RASD1: variants seen among roughly 807,000 people sequenced by gnomAD.
The protein encoded by RASD1 is ras related dexamethasone induced 1.
A neutral mutation model predicts 16.7 loss-of-function variants in RASD1; 13 were observed. That is an observed-to-expected ratio of 0.78 (90% CI 0.51 to 1.24). The LOEUF is 1.24. RASD1 is among the 50% of genes most tolerant of loss of function. The pLI is 0.00. For synonymous variants in RASD1, 170 were observed against 172.6 expected (o/e 0.98, Z 0.12); for missense variants, 397 against 407.5 (o/e 0.97, Z 0.22).
rs747160162 is a variant in RASD1 at position 17,495,129 on chromosome 17, C to T, written c.842G>A (p.Ser281Asn). 6.2e-7 allele frequency: 1 copy of T among 1,610,940 alleles called. No individual in the cohort carries two copies. Among genetic ancestry groups the T allele is most frequent in the South Asian group, 1.1e-5 (1 of 90,992 alleles). The stretch of plus-strand genomic sequence containing the variant: ...GTCGCCAGCGCGGCGGGGCTCCTAG[C>T]TGATGACGCAGCGCTCCTTGTCCTT... ...QAKDKERCVI[S>N] The change falls in exon 2 of 2, where the codon AGC becomes AAC. Residue 281 changes from serine (S) to asparagine (N), a missense_variant. Physicochemically the swap from Ser to Asn is conservative, Grantham distance 46. Transcript: ENST00000225688.
Position 17,494,834 on chromosome 17 carries a change from A to G in RASD1, c.*291T>C. 1 of 521,138 alleles carries G rather than the reference A, an allele frequency of 1.9e-6. No homozygotes were observed. Among genetic ancestry groups the G allele is most frequent in the Non-Finnish European group, 3.4e-6 (1 of 296,126 alleles). 32.3% of individuals were successfully genotyped at this position (521,138 alleles called of 1,614,324 possible). A position where few individuals can be genotyped will look rare whatever the true frequency, so the allele number is the denominator to read the frequency against. The stretch of plus-strand genomic sequence containing the variant: ...CCCCGCGCTCACTCTTAGGTCTTTG[A>G]GAAGATAAATCCACCCTCGGCTGGG... On this transcript the variant is annotated 3_prime_UTR_variant, in exon 2 of 2. Coordinates refer to ENST00000225688, the MANE Select transcript of RASD1 (RefSeq NM_016084.5).
chr17:17,496,044 G>A lies in RASD1; in HGVS notation c.138C>T (p.Thr46=), dbSNP rs769297894. Residue 46 remains threonine (T), a synonymous_variant, in exon 1 of 2, where the codon ACC becomes ACT. Coordinates refer to ENST00000225688, the MANE Select transcript of RASD1 (RefSeq NM_016084.5). ...GCGTGTAGGCGTCCTCGAAGCGGCC[G>A]GTGAGGAAGCGCGACACGATGGCCG... ...GKTAIVSRFL[T]GRFEDAYTPT... 1 of 1,614,096 alleles carries A rather than the reference G, an allele frequency of 6.2e-7. No individual in the cohort carries two copies. The highest frequency in any genetic ancestry group is 1.1e-5 in the South Asian group (1 of 91,090).
chr17:17,495,211 T>TG lies in RASD1; in HGVS notation c.759dup (p.Ser254GlnfsTer130), dbSNP rs769667017. ...ATGTACATGAGGTCGCTGTGTACGC[T>TG]GGGCCGGCGCGCGAAGGGTGCCACG... is the stretch of plus-strand genomic sequence containing the variant. On this transcript the variant is annotated frameshift_variant, in exon 2 of 2. Transcript: ENST00000225688. LOFTEE classifies it high-confidence loss of function. The TG allele has an allele frequency of 6.2e-7, 1 of 1,610,984 alleles. No homozygotes were observed. Among genetic ancestry groups the TG allele is most frequent in the Non-Finnish European group, 8.5e-7 (1 of 1,179,456 alleles).
At position 17,496,150 on chromosome 17, in the gene RASD1, C is replaced by T. The variant is rs749954064; in HGVS notation, c.32G>A (p.Cys11Tyr). Residue 11 changes from cysteine to tyrosine, a missense_variant, in exon 1 of 2, where the codon TGC becomes TAC. Transcript: ENST00000225688. MKLAAMIKKMCPSDSELSIPA... is the reference protein window; with the variant it reads MKLAAMIKKMYPSDSELSIPA... ...GATACTCAGCTCCGAGTCGCTCGGGCACATCTTCTTGATCATCGCGGCCAG... is the reference window on the plus strand; with the variant it reads ...GATACTCAGCTCCGAGTCGCTCGGGTACATCTTCTTGATCATCGCGGCCAG... 19 of 1,610,236 alleles carry T rather than the reference C, an allele frequency of 1.2e-5. No individual in the cohort carries two copies. The highest frequency in any genetic ancestry group is 1.5e-5 in the Non-Finnish European group (18 of 1,177,266).
Position 17,495,185 on chromosome 17 carries a change from G to C in RASD1, c.786C>G (p.Ile262Met). The C allele has an allele frequency of 1.2e-6, 2 of 1,611,814 alleles. No homozygotes were observed. Among genetic ancestry groups the C allele is most frequent in the Non-Finnish European group, 1.7e-6 (2 of 1,179,710 alleles). ...RPSVHSDLMY[I>M]REKASAGSQA... is the part of the protein sequence containing the mutation. ...GGCTGCCGGCGCTGGCCTTCTCGCG[G>C]ATGTACATGAGGTCGCTGTGTACGC... The change falls in exon 2 of 2, where the codon ATC becomes ATG. Residue 262 changes from isoleucine (I) to methionine (M), a missense_variant. Transcript: ENST00000225688.
In RASD1 at chr17:17,496,379, C is replaced by G. The variant is rs984503559; in HGVS notation, c.-198G>C. ...GGCTGGGGTTCTCCCAGGATCTGGG[C>G]ACAGGCCGCTTGCTCTGGCTTTGGC... On this transcript the variant is annotated 5_prime_UTR_variant, in exon 1 of 2. Coordinates refer to ENST00000225688, the MANE Select transcript of RASD1 (RefSeq NM_016084.5). 18 of 555,412 alleles carry G rather than the reference C, an allele frequency of 3.2e-5. No individual in the cohort carries two copies. Among genetic ancestry groups the G allele is most frequent in the Non-Finnish European group, 4.7e-5 (16 of 337,172 alleles). 34.4% of individuals were successfully genotyped at this position (555,412 alleles called of 1,614,324 possible).
intron 1 of RASD1, 66 bp from the exon 2 acceptor site, chr17:17,495,750 T>C (rs1905410334): frequency 6.7e-7 from 1 of 1,496,432 alleles, no homozygotes; most frequent in Non-Finnish European, 8.9e-7. Flanking sequence ...CAAGTCGGGC[T>C]GACTTTGAGG....
At position 17,495,203 on chromosome 17, in the gene RASD1, G is replaced by A. The variant is rs758615997; in HGVS notation, c.768C>T (p.His256=). 1.9e-6 allele frequency: 3 copies of A among 1,611,474 alleles called. No homozygotes were observed. Among genetic ancestry groups the A allele is most frequent in the Non-Finnish European group, 2.5e-6 (3 of 1,179,628 alleles). Reference sequence around the variant, plus strand: ...TCTCGCGGATGTACATGAGGTCGCTGTGTACGCTGGGCCGGCGCGCGAAGG... The same window carrying A: ...TCTCGCGGATGTACATGAGGTCGCTATGTACGCTGGGCCGGCGCGCGAAGG... ...VAPFARRPSV[H]SDLMYIREKA... The change falls in exon 2 of 2, where the codon CAC becomes CAT. Residue 256 remains histidine (H), a synonymous_variant. Transcript: ENST00000225688.
In RASD1 at chr17:17,495,268, C is replaced by G; in HGVS notation, c.703G>C (p.Gly235Arg). The G allele has an allele frequency of 6.4e-7, 1 of 1,563,614 alleles. No homozygotes were observed. The highest frequency in any genetic ancestry group is 8.7e-7 in the Non-Finnish European group (1 of 1,155,500). Reference protein sequence around the residue: ...KKLLRAGSGGGGGDPGDAFGI... With the variant: ...KKLLRAGSGGRGGDPGDAFGI... The stretch of plus-strand genomic sequence containing the variant: ...AAGGCGTCGCCCGGGTCGCCGCCGC[C>G]GCCGCCGCTGCCGGCCCGCAGCAGC... Residue 235 changes from glycine to arginine, a missense_variant, in exon 2 of 2, where the codon GGC becomes CGC. By Grantham distance (125) the Gly-to-Arg change is moderately radical. Transcript: ENST00000225688.
chr17:17,496,056 C>T lies in RASD1; in HGVS notation c.126G>A (p.Ser42=). 5 of 1,614,102 alleles carry T rather than the reference C, an allele frequency of 3.1e-6. No individual in the cohort carries two copies. Among genetic ancestry groups the T allele is most frequent in the Non-Finnish European group, 4.2e-6 (5 of 1,180,016 alleles). ...SSKVGKTAIV[S]RFLTGRFEDA... The stretch of plus-strand genomic sequence containing the variant: ...CCTCGAAGCGGCCGGTGAGGAAGCG[C>T]GACACGATGGCCGTCTTGCCCACCT... The change falls in exon 1 of 2, where the codon TCG becomes TCA. Residue 42 remains serine, a synonymous_variant. Coordinates refer to ENST00000225688, the MANE Select transcript of RASD1 (RefSeq NM_016084.5).
Position 17,495,464 on chromosome 17 carries a change from C to T in RASD1, c.507G>A (p.Gln169=), listed in dbSNP as rs751913464. The T allele has an allele frequency of 1.2e-6, 2 of 1,609,234 alleles. No individual in the cohort carries two copies. Among genetic ancestry groups the T allele is most frequent in the Non-Finnish European group, 1.7e-6 (2 of 1,178,066 alleles). Residue 169 remains glutamine, a synonymous_variant, in exon 2 of 2, where the codon CAG becomes CAA. Coordinates refer to ENST00000225688, the MANE Select transcript of RASD1 (RefSeq NM_016084.5). The part of the protein sequence containing the change: ...EIEQLVGDDP[Q]RCAYFEISAK... ...CCGAGATCTCGAAGTAGGCGCAGCG[C>T]TGGGGGTCGTCGCCCACCAGCTGCT...
chr17:17,496,174 A>G lies in RASD1; in HGVS notation c.8T>C (p.Leu3Pro), dbSNP rs748500747. The G allele has an allele frequency of 2.5e-6, 4 of 1,602,426 alleles. No individual in the cohort carries two copies. Among genetic ancestry groups the G allele is most frequent in the Non-Finnish European group, 3.4e-6 (4 of 1,172,390 alleles). Residue 3 changes from leucine to proline, a missense_variant, in exon 1 of 2, where the codon CTG (leucine) becomes CCG (proline). Transcript: ENST00000225688. Reference sequence around the variant, plus strand: ...GCACATCTTCTTGATCATCGCGGCCAGTTTCATTGGGCAGAGGGGCCGCGA... The same window carrying G: ...GCACATCTTCTTGATCATCGCGGCCGGTTTCATTGGGCAGAGGGGCCGCGA... MK[L>P]AAMIKKMCPS... is the part of the protein sequence containing the mutation.
At chr17:17,495,833 C>T in intron 1 of RASD1, 63 bp downstream of exon 1, 1 of 1,500,824 alleles carries the variant, frequency 6.7e-7, no homozygotes. Flanking sequence ...CCGGCGCTCG[C>T]GGGGCGCCCT....
chr17:17,496,208 G>C lies in RASD1; in HGVS notation c.-27C>G, dbSNP rs987048457. The C allele has an allele frequency of 6.4e-7, 1 of 1,551,846 alleles. No homozygotes were observed. ...GGGCAGAGGGGCCGCGAGGGCGGGC[G>C]CGGGGCCGAGAGAAGGGCAGAGAGC... On this transcript the variant is annotated 5_prime_UTR_variant, in exon 1 of 2. Transcript: ENST00000225688.
chr17:17,495,310 CCTT>C lies in RASD1; in HGVS notation c.658_660del (p.Lys220del), dbSNP rs1051217263. 1.4e-5 allele frequency: 22 copies of C among 1,554,642 alleles called. No homozygotes were observed. Among genetic ancestry groups the C allele is most frequent in the Non-Finnish European group, 1.8e-5 (21 of 1,149,682 alleles). On this transcript the variant is annotated inframe_deletion, in exon 2 of 2. Coordinates refer to ENST00000225688, the MANE Select transcript of RASD1 (RefSeq NM_016084.5). ...CGCAGCAGCTTCTTGTTCCGCAGCG[CCTT>C]CTTGTGCAGCACGTCGCAGTACTGC...
rs767728904 is a variant in RASD1, at chr17:17,495,591, C to T, written c.380G>A (p.Cys127Tyr). The T allele has an allele frequency of 6.2e-7, 1 of 1,613,074 alleles. No individual in the cohort carries two copies. ...GTTCTCCTTGGTTTTGTTCTTGAGG[C>T]AAGACTTGGTGTCGAGGATCTGCTG... ...LRQQILDTKS[C>Y]LKNKTKENVD... is the part of the protein sequence containing the mutation. The change falls in exon 2 of 2, where the codon TGC (cysteine) becomes TAC (tyrosine). Residue 127 changes from cysteine (C) to tyrosine (Y), a missense_variant. Transcript: ENST00000225688.
At chr17:17,495,802 A>T in intron 1 of RASD1, 94 bp downstream of exon 1, 1 of 1,471,534 alleles carries the variant, frequency 6.8e-7, no homozygotes, top group Non-Finnish European at 9.0e-7. Flanking sequence ...GAAGCGCACT[A>T]CTCGGCGCGC....
chr17:17,494,812 C>T lies in RASD1; in HGVS notation c.*313G>A. 3 of 439,056 alleles carry T rather than the reference C, an allele frequency of 6.8e-6. No homozygotes were observed. The highest frequency in any genetic ancestry group is 2.1e-5 in the African/African-American group (1 of 47,440). The allele number at this position is 439,056 out of a possible 1,614,324, so 27.2% of individuals were successfully genotyped here. A position where few individuals can be genotyped will look rare whatever the true frequency, so the allele number is the denominator to read the frequency against. ...ATAACTTCACATCCCTCCCCCACCC[C>T]GCGCTCACTCTTAGGTCTTTGAGAA... is the stretch of plus-strand genomic sequence containing the variant. On this transcript the variant is annotated 3_prime_UTR_variant, in exon 2 of 2. Transcript: ENST00000225688.
rs1476677581 is a variant in RASD1, at chr17:17,495,170, G to A, written c.801C>T (p.Ser267=). Residue 267 remains serine, a synonymous_variant, in exon 2 of 2, where the codon AGC becomes AGT. Coordinates refer to ENST00000225688, the MANE Select transcript of RASD1 (RefSeq NM_016084.5). ...SDLMYIREKA[S]AGSQAKDKER... Reference sequence around the variant, plus strand: ...CCTTGTCCTTGGCCTGGCTGCCGGCGCTGGCCTTCTCGCGGATGTACATGA... The same window carrying A: ...CCTTGTCCTTGGCCTGGCTGCCGGCACTGGCCTTCTCGCGGATGTACATGA... 3 of 1,611,706 alleles carry A rather than the reference G, an allele frequency of 1.9e-6. No homozygotes were observed. The highest frequency in any genetic ancestry group is 8.5e-7 in the Non-Finnish European group (1 of 1,179,694).
Sources: allele counts gnomAD v4.1 joint callset, GRCh38; gene constraint gnomAD v4.1.1; transcripts MANE v1.5; gene names NCBI Gene and HGNC (gene_info 2026-07-23, HGNC 2026-07-21).